LAMA4: variants seen among roughly 807,000 people sequenced by gnomAD.
LAMA4 encodes the protein laminin subunit alpha 4.
LAMA4 carries 127 observed loss-of-function variants against 207.1 expected under a neutral mutation model. That is an observed-to-expected ratio of 0.61 (90% confidence interval 0.53 to 0.71). The LOEUF (loss-of-function observed/expected upper bound fraction) is 0.71, where lower values mean the gene tolerates loss of function less well. LAMA4 is among the 30% of genes least tolerant of loss of function. The pLI is 0.00. For synonymous variants in LAMA4, 761 were observed against 816.0 expected (o/e 0.93, Z 1.15); for missense variants, 2,093 against 2,246.5 (o/e 0.93, Z 1.38).
intron 18 of LAMA4, among the ~76,000 whole-genome samples, chr6:112,146,429 A>G (rs1780033811): frequency 6.6e-6 from 1 of 152,194 alleles, no homozygotes; most frequent in East Asian, 1.9e-4. Flanking sequence ...CAGCAGCAGC[A>G]TCACCAGGAA....
intron 23 of LAMA4, 87 bp downstream of exon 23, chr6:112,139,665 T>G: frequency 8.1e-5 from 123 of 1,524,060 alleles, no homozygotes; most frequent in Non-Finnish European, 1.1e-4. Context: ...AAGAAAAGTT[T>G]GAGAACCTGA....
intron 31 of LAMA4, among the ~76,000 whole-genome samples, chr6:112,128,371 G>C (rs948478422): frequency 6.6e-6 from 1 of 152,246 alleles, no homozygotes; most frequent in East Asian, 1.9e-4. Context: ...ATAAGTGGGA[G>C]CTAAAAATGT....
chr6:112,176,029 A>G (rs1782004255), intron 10 of LAMA4, among the ~76,000 whole-genome samples: 1 of 152,220 alleles, frequency 6.6e-6, no homozygotes, highest in Non-Finnish European at 1.5e-5. Context: ...GAGTCTTTCA[A>G]ATTATTTCAC....
chr6:112,190,940 TTTCTTTCCTTTCTTTCTTTC>T (rs1562714698), intron 6 of LAMA4, among the ~76,000 whole-genome samples: 19 of 51,444 alleles, frequency 3.7e-4, no homozygotes, highest in Non-Finnish European at 5.8e-4. Flanking sequence ...TCTTTCTTTC[TTTCTTTCCTTTCTTTCTTTC>T]TTTCTTTCTT....
rs1554336763 is a variant in LAMA4 at position 112,155,658 on chromosome 6, A to C, written c.1866T>G (p.Asp622Glu). 1 of 1,613,998 alleles carries C rather than the reference A, an allele frequency of 6.2e-7. No individual in the cohort carries two copies. Among genetic ancestry groups the C allele is most frequent in the African/African-American group, 1.3e-5 (1 of 74,940 alleles). Residue 622 changes from aspartate to glutamate, a missense_variant, in exon 15 of 39, where the codon GAT becomes GAG. Coordinates refer to ENST00000230538, the MANE Select transcript of LAMA4 (RefSeq NM_001105206.3). Reference protein sequence around the residue: ...DMNGLVQKALDASNVYENIVN... With the variant: ...DMNGLVQKALEASNVYENIVN... The stretch of plus-strand genomic sequence containing the variant: ...CAATATTTTCATAGACATTTGATGC[A>C]TCCAAAGCCTTCTGTACCAGCCCGT...
At chr6:112,242,140 CT>C (rs1474730529) in intron 2 of LAMA4, among the ~76,000 whole-genome samples, 9 of 152,256 alleles carry the variant, frequency 5.9e-5, no homozygotes, top group Admixed American at 4.6e-4. Context: ...GCTATGGGTG[CT>C]GAGAAGAGTT....
intron 31 of LAMA4, among the ~76,000 whole-genome samples, chr6:112,122,761 C>T (rs782402448): frequency 3.3e-5 from 5 of 151,944 alleles, no homozygotes; most frequent in Non-Finnish European, 7.4e-5. Context: ...ATTGCATGGC[C>T]GATGCTAAAA....
At chr6:112,229,123 T>C (rs1222809284) in intron 2 of LAMA4, among the ~76,000 whole-genome samples, 3 of 152,198 alleles carry the variant, frequency 2.0e-5, no homozygotes, top group Admixed American at 2.0e-4. Context: ...AATCCTAAAA[T>C]AAAAGCACAG....
At chr6:112,220,709 G>A (rs1401439809) in intron 2 of LAMA4, among the ~76,000 whole-genome samples, 1 of 152,050 alleles carries the variant, frequency 6.6e-6, no homozygotes, top group Non-Finnish European at 1.5e-5. Context: ...GAGCACTAGA[G>A]TCATACCAAC....
chr6:112,231,675 TGTGCAG>T (rs1554364500), intron 2 of LAMA4, among the ~76,000 whole-genome samples: 1 of 152,190 alleles, frequency 6.6e-6, no homozygotes, highest in African/African-American at 2.4e-5. Context: ...CACCAGCATG[TGTGCAG>T]GTGTTTCCCT....
chr6:112,212,352 T>C (rs1004252482), intron 3 of LAMA4, among the ~76,000 whole-genome samples: 2 of 151,848 alleles, frequency 1.3e-5, no homozygotes, highest in Non-Finnish European at 1.5e-5. Context: ...GCTTCCCAAG[T>C]AGCTGGGATT....
intron 23 of LAMA4, 134 bp downstream of exon 23, chr6:112,139,618 A>T (rs781832659): frequency 3.9e-5 from 41 of 1,046,482 alleles, no homozygotes; most frequent in Non-Finnish European, 5.6e-5. Context: ...AGTTTTTTGC[A>T]GGTATGACTT....
At chr6:112,137,017 C>T (rs1417530321) in intron 24 of LAMA4, among the ~76,000 whole-genome samples, 9 of 151,926 alleles carry the variant, frequency 5.9e-5, no homozygotes, top group Non-Finnish European at 2.9e-5. Context: ...AGAATTCTTC[C>T]ATATTATCAG....
intron 13 of LAMA4, 128 bp downstream of exon 13, chr6:112,165,032 A>G: frequency 1.3e-6 from 1 of 751,304 alleles, no homozygotes; most frequent in Non-Finnish European, 2.5e-6. Flanking sequence ...AAACTAAAAC[A>G]TTCAGTCATC....
chr6:112,244,547 T>C (rs555012438), intron 2 of LAMA4, among the ~76,000 whole-genome samples: 97 of 152,318 alleles, frequency 6.4e-4, no homozygotes, highest in African/African-American at 2.3e-3. Context: ...TAAACTTGCT[T>C]TCATTTTACT....
At chr6:112,234,923 C>T (rs782013194) in intron 2 of LAMA4, among the ~76,000 whole-genome samples, 16 of 152,084 alleles carry the variant, frequency 1.1e-4, no homozygotes, top group Non-Finnish European at 1.9e-4. Context: ...CAAATATCTT[C>T]GGATATCCAA....
intron 6 of LAMA4, among the ~76,000 whole-genome samples, chr6:112,191,296 TTTCA>T (rs1410162639): frequency 6.6e-6 from 1 of 152,112 alleles, no homozygotes; most frequent in East Asian, 1.9e-4. Flanking sequence ...CCATGCAAGA[TTTCA>T]TTCAGTCTCC....
intron 29 of LAMA4, 81 bp downstream of exon 29, chr6:112,130,887 C>T (rs1344168520): frequency 2.7e-5 from 39 of 1,436,338 alleles, no homozygotes; most frequent in Non-Finnish European, 3.7e-5. Flanking sequence ...TATAGGACAG[C>T]CTATTATTCA....
chr6:112,120,392 A>C lies in LAMA4; in HGVS notation c.4556T>G (p.Phe1519Cys). 6.2e-7 allele frequency: 1 copy of C among 1,614,032 alleles called. No individual in the cohort carries two copies. ...GCCATGGGCCAAAAATAGAGTCATGAAGTCATTCTCTTCTTGATCTGAGAC... is the reference window on the plus strand; with the variant it reads ...GCCATGGGCCAAAAATAGAGTCATGCAGTCATTCTCTTCTTGATCTGAGAC... ...FYVSDQEEND[F>C]MTLFLAHGRL... Residue 1519 changes from phenylalanine (F) to cysteine (C), a missense_variant, in exon 33 of 39, where the codon TTC (phenylalanine) becomes TGC (cysteine). Around this residue, in one of 3 missense-constraint regions of LAMA4, gnomAD observed 383 missense variants for 437.8 expected, o/e 0.87. Coordinates refer to ENST00000230538, the MANE Select transcript of LAMA4 (RefSeq NM_001105206.3).
Sources: allele counts gnomAD v4.1 joint callset (sites outside exome capture counted in the v4.1 genomes callset), GRCh38; gene constraint gnomAD v4.1.1; regional missense constraint gnomAD v4.1.1; transcripts MANE v1.5; gene names NCBI Gene and HGNC (gene_info 2026-07-23, HGNC 2026-07-21).